Variants in FBN1 observed in about 807,000 individuals in gnomAD.
FBN1 encodes fibrillin 1, also known as fibrillin-1.
A neutral mutation model predicts 365.1 loss-of-function variants in FBN1; 29 were observed. That is an observed-to-expected ratio of 0.08 (90% CI 0.06 to 0.11). FBN1 has a LOEUF of 0.11. FBN1 is among the 10% of genes least tolerant of loss of function. The pLI is 1.00. For synonymous variants in FBN1, 1,210 were observed against 1,270.5 expected, an observed-to-expected ratio of 0.95 and a Z score of 1.01; for missense variants, 2,476 against 3,703.2, an observed-to-expected ratio of 0.67 and a Z score of 8.60.
chr15:48,560,778 G>A (rs1350904008), intron 6 of FBN1, among the ~76,000 whole-genome samples: 1 of 152,070 alleles, frequency 6.6e-6, no homozygotes, highest in Non-Finnish European at 1.5e-5. Context: ...CAAGGACTTG[G>A]ATGCCAGAAG....
rs556800852 is a variant in FBN1, at chr15:48,450,173, C to T, written c.5546-1280G>A. Among the ~76,000 whole-genome samples the T allele has an allele frequency of 4.6e-5, 7 of 152,268 alleles. No individual in the cohort carries two copies. The South Asian group carries it at 8.3e-4, about 18-fold the overall frequency. On this transcript the variant is annotated intron_variant, in intron 45 of 65. Transcript: ENST00000316623. ...AGTATAGGCAGAGGAGACTGATTTC[C>T]GATCTTGAGGAAGGGTGTCTCAGGT... is the stretch of plus-strand genomic sequence containing the variant.
intron 6 of FBN1, among the ~76,000 whole-genome samples, chr15:48,546,606 C>T (rs4392007): frequency 2.0e-5 from 3 of 152,186 alleles, no homozygotes; most frequent in Non-Finnish European, 2.9e-5. Flanking sequence ...CAGGACATCT[C>T]GGGATATGAT....
At chr15:48,461,336 T>C (rs894560664) in intron 42 of FBN1, among the ~76,000 whole-genome samples, 2 of 152,212 alleles carry the variant, frequency 1.3e-5, no homozygotes, top group Non-Finnish European at 2.9e-5. Flanking sequence ...CAGGCAATCA[T>C]TTCTAAAAGT....
At chr15:48,507,074 A>G (rs1281786804) in intron 15 of FBN1, among the ~76,000 whole-genome samples, 2 of 152,164 alleles carry the variant, frequency 1.3e-5, no homozygotes, top group African/African-American at 2.4e-5. Flanking sequence ...GGTTTCATCT[A>G]TGAGGTCACA....
chr15:48,465,569 A>G lies in FBN1; in HGVS notation c.4941T>C (p.Asp1647=). 6.2e-7 allele frequency: 1 copy of G among 1,614,090 alleles called. No individual in the cohort carries two copies. Among genetic ancestry groups the G allele is most frequent in the Non-Finnish European group, 8.5e-7 (1 of 1,179,968 alleles). ...TATCATCCTACCAGGACCATTTACCATCACACACTCGTGTATCTTCATTCA... is the reference window on the plus strand; with the variant it reads ...TATCATCCTACCAGGACCATTTACCGTCACACACTCGTGTATCTTCATTCA... The part of the protein sequence containing the change: ...YYLNEDTRVC[D]DVNECETPGI... The change falls in exon 40 of 66, where the codon GAT becomes GAC. Residue 1647 remains aspartate, a splice_region_variant and synonymous_variant. Coordinates refer to ENST00000316623, the MANE Select transcript of FBN1 (RefSeq NM_000138.5).
intron 2 of FBN1, among the ~76,000 whole-genome samples, chr15:48,613,653 C>T (rs540914763): frequency 2.6e-5 from 4 of 152,272 alleles, no homozygotes; most frequent in South Asian, 4.2e-4. Context: ...ACAGGCCAGG[C>T]GCGGTGGCTC....
At chr15:48,486,715 T>C (rs1021858576) in intron 29 of FBN1, among the ~76,000 whole-genome samples, 2 of 152,232 alleles carry the variant, frequency 1.3e-5, no homozygotes, top group Admixed American at 6.5e-5. Flanking sequence ...AGGTGGTTAG[T>C]TACCATTTGT....
chr15:48,627,740 A>G (rs1216032087), intron 2 of FBN1, among the ~76,000 whole-genome samples: 1 of 152,238 alleles, frequency 6.6e-6, no homozygotes, highest in Non-Finnish European at 1.5e-5. Context: ...TCCAATGGCC[A>G]GCACAGCTCT....
chr15:48,440,968 G>A (rs1431718009), intron 50 of FBN1, among the ~76,000 whole-genome samples: 1 of 150,546 alleles, frequency 6.6e-6, no homozygotes, highest in East Asian at 1.9e-4. Context: ...GCTACAAGTG[G>A]AAAAAAAAGA....
chr15:48,438,019 C>G, intron 50 of FBN1, 102 bp from the exon 51 acceptor site: 1 of 1,187,590 alleles, frequency 8.4e-7, no homozygotes, highest in Non-Finnish European at 1.3e-6. Context: ...ATGTTCTCCT[C>G]TCAGGACCAC....
chr15:48,481,529 A>G, intron 32 of FBN1, 126 bp downstream of exon 32: 1 of 1,056,034 alleles, frequency 9.5e-7, no homozygotes, highest in Non-Finnish European at 1.3e-6. Context: ...ATTAATGAAA[A>G]ATGTTATGCA....
intron 9 of FBN1, among the ~76,000 whole-genome samples, chr15:48,522,849 G>C (rs1221196018): frequency 6.6e-6 from 1 of 152,180 alleles, no homozygotes; most frequent in Non-Finnish European, 1.5e-5. Flanking sequence ...CAGTATAAAT[G>C]TGCTTTCCAG....
chr15:48,548,139 C>T (rs935553424), intron 6 of FBN1, among the ~76,000 whole-genome samples: 1 of 152,152 alleles, frequency 6.6e-6, no homozygotes, highest in African/African-American at 2.4e-5. Flanking sequence ...AGGCAGCAGA[C>T]CCTAGAACTG....
chr15:48,566,462 C>A lies in FBN1; in HGVS notation c.539-28654G>T, dbSNP rs192278553. 5.1e-3 allele frequency among the ~76,000 whole-genome samples: 782 copies of A among 152,298 alleles called. 1 individual carries two copies. Among genetic ancestry groups the A allele is most frequent in the South Asian group, 0.011 (51 of 4,828 alleles). Reference sequence around the variant, plus strand: ...ACTATAAAGTTAAACAAGACCCCCACCCTTTCTCTTCAAGACTTCAACATG... The same window carrying A: ...ACTATAAAGTTAAACAAGACCCCCAACCTTTCTCTTCAAGACTTCAACATG... On this transcript the variant is annotated intron_variant, in intron 6 of 65. Transcript: ENST00000316623.
In FBN1 at chr15:48,526,232, G is replaced by C; in HGVS notation, c.886C>G (p.Pro296Ala). Residue 296 changes from proline to alanine, a missense_variant, in exon 9 of 66, where the codon CCT becomes GCT. This residue lies in a region of FBN1 where 421 missense variants were observed against 520.1 expected (regional missense o/e 0.81). Transcript: ENST00000316623. ...CEDIDECSTI[P>A]GICEGGECTN... ...CATTCACCCCCTTCACAGATTCCAG[G>C]AATGGTGCTGCATTCATCAATATCT... The C allele has an allele frequency of 6.2e-7, 1 of 1,614,040 alleles. No homozygotes were observed. The highest frequency in any genetic ancestry group is 8.5e-7 in the Non-Finnish European group (1 of 1,179,968).
chr15:48,602,566 T>C (rs2044575756), intron 4 of FBN1, among the ~76,000 whole-genome samples: 2 of 152,214 alleles, frequency 1.3e-5, no homozygotes, highest in Non-Finnish European at 2.9e-5. Context: ...GAGGCACTTA[T>C]ACAGCCCTAC....
chr15:48,415,190 G>A (rs1040256064), intron 64 of FBN1, among the ~76,000 whole-genome samples: 2 of 152,182 alleles, frequency 1.3e-5, no homozygotes, highest in African/African-American at 4.8e-5. Context: ...TGGATCAGTC[G>A]TGTGCAGGGT....
At chr15:48,586,628 C>T (rs190778024) in intron 6 of FBN1, among the ~76,000 whole-genome samples, 6 of 152,242 alleles carry the variant, frequency 3.9e-5, no homozygotes, top group Non-Finnish European at 4.4e-5. Flanking sequence ...ATTTGAGAAC[C>T]AAACCCCAAA....
At chr15:48,593,313 C>T (rs1402971182) in intron 6 of FBN1, among the ~76,000 whole-genome samples, 1 of 152,242 alleles carries the variant, frequency 6.6e-6, no homozygotes, top group South Asian at 2.1e-4. Context: ...GATCTTTATC[C>T]TGAGAAGTAC....
Sources: allele counts gnomAD v4.1 joint callset (sites outside exome capture counted in the v4.1 genomes callset), GRCh38; gene constraint gnomAD v4.1.1; regional missense constraint gnomAD v4.1.1; transcripts MANE v1.5; gene names NCBI Gene and HGNC (gene_info 2026-07-23, HGNC 2026-07-21).